The following TPO variants were observed in gnomAD, a reference collection of about 807,000 sequenced individuals.
TPO encodes thyroid peroxidase.
TPO carries 78 observed loss-of-function variants against 96.9 expected under a neutral mutation model. The observed-to-expected ratio is 0.81, with a 90% confidence interval of 0.67 to 0.97. TPO has a LOEUF of 0.97. Ranked by LOEUF, TPO falls within the 50% of genes least tolerant of loss-of-function variation. The pLI, the probability that TPO is intolerant of heterozygous loss-of-function variation, is 0.00. For synonymous variants in TPO, 547 were observed against 538.0 expected, an observed-to-expected ratio of 1.02 and a Z score of -0.23; for missense variants, 1,252 against 1,274.8, an observed-to-expected ratio of 0.98 and a Z score of 0.27.
At chr2:1,427,093 T>C (rs1324452596) in intron 3 of TPO, among the ~76,000 whole-genome samples, 2 of 152,150 alleles carry the variant, frequency 1.3e-5, no homozygotes, top group Non-Finnish European at 2.9e-5. Context: ...CCAAGGTAGA[T>C]GGGGCCAGAG....
chr2:1,382,847 G>A (rs1363950431), intron 1 of TPO, among the ~76,000 whole-genome samples: 1 of 151,388 alleles, frequency 6.6e-6, no homozygotes, highest in Non-Finnish European at 1.5e-5. Context: ...ATTTACATTA[G>A]GTATATCTCC....
chr2:1,494,953 C>A (rs1207860244), intron 11 of TPO, among the ~76,000 whole-genome samples: 1 of 152,022 alleles, frequency 6.6e-6, no homozygotes, highest in Non-Finnish European at 1.5e-5. Flanking sequence ...ACCAGGAGAA[C>A]TTGTCTCCCT....
rs140988809 is a variant in TPO at position 1,396,726 on chromosome 2, G to A, written n.180+22324G>A. Among the ~76,000 whole-genome samples the A allele has an allele frequency of 4.3e-3, 658 of 152,264 alleles. 5 individuals carry two copies. The highest frequency in any genetic ancestry group is 0.015 in the African/African-American group (604 of 41,556). Reference sequence around the variant, plus strand: ...GAGCATGAGCCCCAGGTTAGAAGCTGTCAGTGTCTGTTAACAATCACGTCC... The same window carrying A: ...GAGCATGAGCCCCAGGTTAGAAGCTATCAGTGTCTGTTAACAATCACGTCC... On this transcript the variant is annotated intron_variant and non_coding_transcript_variant, in intron 1 of 5. Transcript: ENST00000497517.
At chr2:1,413,629 A>C (rs1173241066) in intron 1 of TPO, 84 bp downstream of exon 1, 2 of 972,812 alleles carry the variant, frequency 2.1e-6, no homozygotes, top group African/African-American at 3.5e-5. Flanking sequence ...GAGTGGCTGT[A>C]ATTTGGGCCA....
At chr2:1,433,974 T>C (rs1164212715) in intron 4 of TPO, among the ~76,000 whole-genome samples, 1 of 152,218 alleles carries the variant, frequency 6.6e-6, no homozygotes, top group Non-Finnish European at 1.5e-5. Flanking sequence ...AAGGACTTCA[T>C]GTGTGAGGCA....
intron 15 of TPO, among the ~76,000 whole-genome samples, chr2:1,523,424 T>C (rs1675648508): frequency 7.0e-6 from 1 of 142,886 alleles, no homozygotes; most frequent in Admixed American, 7.0e-5. Flanking sequence ...TCCCACTCTG[T>C]GCAACCTCCC....
At chr2:1,422,728 G>A (rs76802469) in intron 2 of TPO, among the ~76,000 whole-genome samples, 2,538 of 152,286 alleles carry the variant, frequency 0.017, 83 homozygotes, top group African/African-American at 0.058. Context: ...CTTTACCACT[G>A]GCTCAGGTAA....
At chr2:1,443,506 G>T (rs11211648) in intron 5 of TPO, among the ~76,000 whole-genome samples, 4 of 150,174 alleles carry the variant, frequency 2.7e-5, no homozygotes, top group African/African-American at 4.9e-5. Flanking sequence ...ATGGGGCCGG[G>T]GCCTTCTTGT....
chr2:1,436,492 C>G, intron 5 of TPO, 108 bp downstream of exon 5: 5 of 1,522,194 alleles, frequency 3.3e-6, no homozygotes, highest in Non-Finnish European at 4.5e-6. Context: ...GTATCCACCC[C>G]TGAGCCCCTG....
intron 15 of TPO, among the ~76,000 whole-genome samples, chr2:1,538,486 A>AT (rs1680337967): frequency 6.6e-6 from 1 of 152,052 alleles, no homozygotes; most frequent in Admixed American, 6.6e-5. Context: ...ATAGAAAATA[A>AT]TTTAAAAAGA....
intron 5 of TPO, among the ~76,000 whole-genome samples, chr2:1,453,000 C>A (rs2148578644): frequency 6.6e-6 from 1 of 152,316 alleles, no homozygotes; most frequent in Middle Eastern, 3.4e-3. Flanking sequence ...AACTGCAGAC[C>A]AGCCTACTTA....
intron 15 of TPO, among the ~76,000 whole-genome samples, chr2:1,540,252 T>C (rs1425033226): frequency 6.6e-6 from 1 of 152,166 alleles, no homozygotes; most frequent in East Asian, 1.9e-4. Context: ...ACGTTGTCTG[T>C]CATTTGGATG....
At chr2:1,390,714 T>C (rs1198995038) in intron 1 of TPO, among the ~76,000 whole-genome samples, 2 of 152,230 alleles carry the variant, frequency 1.3e-5, no homozygotes, top group African/African-American at 4.8e-5. Context: ...TTTTTAATGA[T>C]TGCCATTCTA....
chr2:1,532,928 T>TC (rs1236294231), intron 15 of TPO, among the ~76,000 whole-genome samples: 1 of 96,162 alleles, frequency 1.0e-5, no homozygotes, highest in African/African-American at 5.1e-5. Context: ...TCGCAAAATC[T>TC]CCCCCACTAT....
chr2:1,472,590 A>G (rs557356399), intron 7 of TPO, among the ~76,000 whole-genome samples: 20 of 152,054 alleles, frequency 1.3e-4, no homozygotes, highest in African/African-American at 4.6e-4. Context: ...GGACTGTTCC[A>G]CACTCCGGGT....
intron 1 of TPO, among the ~76,000 whole-genome samples, chr2:1,389,593 A>G (rs957686811): frequency 6.6e-6 from 1 of 152,102 alleles, no homozygotes; most frequent in Admixed American, 6.5e-5. Context: ...GTTAGTCCTT[A>G]CCATGGTGAT....
At chr2:1,538,490 A>T (rs1399043365) in intron 15 of TPO, among the ~76,000 whole-genome samples, 3 of 152,176 alleles carry the variant, frequency 2.0e-5, no homozygotes, top group African/African-American at 7.2e-5. Context: ...AAAATAATTT[A>T]AAAAGACATA....
intron 1 of TPO, among the ~76,000 whole-genome samples, chr2:1,413,942 A>T (rs1312499835): frequency 6.6e-6 from 1 of 152,250 alleles, no homozygotes; most frequent in Admixed American, 6.5e-5. Context: ...TTATGGACAT[A>T]AGAATGCTTT....
chr2:1,387,206 C>T (rs1437986398), intron 1 of TPO, among the ~76,000 whole-genome samples: 1 of 152,072 alleles, frequency 6.6e-6, no homozygotes, highest in Non-Finnish European at 1.5e-5. Flanking sequence ...TTGCTCTTCT[C>T]GAGGAGTATC....
Sources: allele counts gnomAD v4.1 joint callset (sites outside exome capture counted in the v4.1 genomes callset), GRCh38; gene constraint gnomAD v4.1.1; transcripts MANE v1.5; gene names NCBI Gene and HGNC (gene_info 2026-07-23, HGNC 2026-07-21).